RFC1: variants seen among roughly 807,000 people sequenced by gnomAD.
RFC1 encodes replication factor C subunit 1.
A neutral mutation model predicts 137.4 loss-of-function variants in RFC1; 37 were observed. The ratio of observed to expected loss-of-function variants is 0.27; its 90% CI spans 0.21 to 0.35. RFC1 has a LOEUF of 0.35. Among genes scored for constraint, RFC1 ranks in the 10% least tolerant of loss-of-function variants. The pLI is 1.00. For synonymous variants in RFC1, 429 were observed against 455.7 expected (o/e 0.94, Z 0.75); for missense variants, 1,205 against 1,358.5 (o/e 0.89, Z 1.78).
intron 15 of RFC1, among the ~76,000 whole-genome samples, chr4:39,303,540 G>A (rs1216002146): frequency 4.0e-5 from 6 of 151,756 alleles, no homozygotes; most frequent in Admixed American, 6.6e-5. Flanking sequence ...TGCAACCTCC[G>A]CCTCCCGGGT....
intron 20 of RFC1, 46 bp from the exon 21 acceptor site, chr4:39,300,184 GGTCCCTTCTTCACGGGTATT>G (rs1738272765): frequency 6.2e-7 from 1 of 1,608,804 alleles, no homozygotes; most frequent in Non-Finnish European, 8.5e-7. Flanking sequence ...CCACACCCCA[GGTCCCTTCTTCACGGGTATT>G]TAGCCTTCGC....
At chr4:39,327,278 A>C (rs1369993283) in intron 5 of RFC1, among the ~76,000 whole-genome samples, 5 of 152,226 alleles carry the variant, frequency 3.3e-5, no homozygotes, top group African/African-American at 1.2e-4. Flanking sequence ...TTAAATTCGA[A>C]TAATTATCAT....
intron 4 of RFC1, among the ~76,000 whole-genome samples, chr4:39,335,616 G>C (rs183296891): frequency 2.0e-5 from 3 of 152,298 alleles, no homozygotes; most frequent in Admixed American, 6.5e-5. Context: ...GAGTCCACTG[G>C]AATGCCTAAA....
intron 6 of RFC1, 127 bp downstream of exon 6, chr4:39,326,436 T>C (rs999317594): frequency 7.9e-6 from 5 of 636,386 alleles, no homozygotes; most frequent in African/African-American, 1.8e-5. Context: ...GAAATTTAGA[T>C]TTTCATTTAT....
At position 39,366,304 on chromosome 4, in the gene RFC1, G is replaced by T. The variant is rs17287851; in HGVS notation, c.-63C>A. On this transcript the variant is annotated 5_prime_UTR_variant, in exon 1 of 25. Transcript: ENST00000349703. ...TGGGCCGGTTGAGGAATCTGTTATC[G>T]AGGCTCAGGATCCATTCGCGCCAAC... 2.2e-5 allele frequency: 33 copies of T among 1,488,932 alleles called. 1 individual carries two copies. In the South Asian group the frequency reaches 4.1e-4, roughly 18 times the overall value. 92.2% of individuals were successfully genotyped at this position (1,488,932 alleles called of 1,614,324 possible).
chr4:39,358,190 A>G (rs12512760), intron 1 of RFC1, among the ~76,000 whole-genome samples: 148,514 of 152,022 alleles, frequency 0.98, 72,640 homozygotes, highest in Middle Eastern at 1. Flanking sequence ...CAGGAGAATC[A>G]CTTCAACCTG....
In RFC1 at chr4:39,357,898, C is replaced by T. The variant is rs186763524; in HGVS notation, c.4-6422G>A. Among the ~76,000 whole-genome samples the T allele has an allele frequency of 2.1e-3, 313 of 152,080 alleles. 1 individual carries two copies. The highest frequency in any genetic ancestry group is 3.8e-3 in the Non-Finnish European group (255 of 67,990). ...CCAGGATTACAGGCATGAGCCACAG[C>T]GCCCGGCCCAGAAGCTAGCTTTTTA... On this transcript the variant is annotated intron_variant, in intron 1 of 24. Coordinates refer to ENST00000349703, the MANE Select transcript of RFC1 (RefSeq NM_002913.5).
intron 4 of RFC1, among the ~76,000 whole-genome samples, chr4:39,338,453 C>T (rs1255983134): frequency 6.6e-6 from 1 of 152,102 alleles, no homozygotes; most frequent in African/African-American, 2.4e-5. Flanking sequence ...TATAAAATTT[C>T]AAATTTTCTC....
intron 11 of RFC1, 81 bp from the exon 12 acceptor site, chr4:39,311,630 G>T: frequency 9.9e-7 from 1 of 1,006,050 alleles, no homozygotes; most frequent in Non-Finnish European, 1.5e-6. Context: ...AAAATTCTAG[G>T]GCCTATTAGT....
chr4:39,303,980 TA>T, intron 15 of RFC1, among the ~76,000 whole-genome samples: 1 of 152,314 alleles, frequency 6.6e-6, no homozygotes, highest in Non-Finnish European at 1.5e-5. Flanking sequence ...ACATATAAAA[TA>T]ATAGCTAAAT....
intron 4 of RFC1, among the ~76,000 whole-genome samples, chr4:39,339,925 A>G (rs1740533816): frequency 6.6e-6 from 1 of 152,236 alleles, no homozygotes; most frequent in South Asian, 2.1e-4. Context: ...AAACAAATAC[A>G]AAATGTCTTT....
At chr4:39,349,617 C>A (rs1331599669) in intron 2 of RFC1, among the ~76,000 whole-genome samples, 2 of 152,176 alleles carry the variant, frequency 1.3e-5, no homozygotes, top group Non-Finnish European at 2.9e-5. Flanking sequence ...GTGGCCTGAA[C>A]TAACACATGA....
chr4:39,311,338 G>T, intron 12 of RFC1, 107 bp downstream of exon 12: 1 of 823,358 alleles, frequency 1.2e-6, no homozygotes, highest in South Asian at 1.6e-5. Flanking sequence ...GTGGTAGACA[G>T]GGATGTTAAT....
chr4:39,336,099 T>C lies in RFC1; in HGVS notation c.331+6246A>G, dbSNP rs17334791. Among the ~76,000 whole-genome samples the C allele has an allele frequency of 1.8e-3, 268 of 152,260 alleles. 1 individual carries two copies. Among genetic ancestry groups the C allele is most frequent in the African/African-American group, 6.2e-3 (259 of 41,554 alleles). On this transcript the variant is annotated intron_variant, in intron 4 of 24. Transcript: ENST00000349703. ...TTTTCAAATCTCCTTCCTCTCCATA[T>C]GCCACTTAATTTTTTTCAGGTCCCA...
chr4:39,333,791 T>C (rs963068779), intron 4 of RFC1, among the ~76,000 whole-genome samples: 3 of 152,162 alleles, frequency 2.0e-5, no homozygotes, highest in Non-Finnish European at 2.9e-5. Context: ...CTTCAAGCTA[T>C]AGATTTAAAA....
At chr4:39,346,528 T>C (rs1740869640) in intron 2 of RFC1, among the ~76,000 whole-genome samples, 1 of 151,846 alleles carries the variant, frequency 6.6e-6, no homozygotes, top group African/African-American at 2.4e-5. Flanking sequence ...TATTATTATA[T>C]ATTTTGTAGT....
chr4:39,292,154 T>C (rs963841550), intron 22 of RFC1: 2 of 337,386 alleles, frequency 5.9e-6, no homozygotes, highest in East Asian at 1.1e-4. Flanking sequence ...AATGTTTCTT[T>C]GTGTTCATAA....
Position 39,366,316 on chromosome 4 carries a change from C to G in RFC1, c.-75G>C. 1 of 1,416,396 alleles carries G rather than the reference C, an allele frequency of 7.1e-7. No individual in the cohort carries two copies. Among genetic ancestry groups the G allele is most frequent in the Non-Finnish European group, 9.3e-7 (1 of 1,074,936 alleles). The allele number at this position is 1,416,396 out of a possible 1,614,324, so 87.7% of individuals were successfully genotyped here. A position where few individuals can be genotyped will look rare whatever the true frequency, so the allele number is the denominator to read the frequency against. ...GGAATCTGTTATCGAGGCTCAGGATCCATTCGCGCCAACAACTTCTCCCGC... is the reference window on the plus strand; with the variant it reads ...GGAATCTGTTATCGAGGCTCAGGATGCATTCGCGCCAACAACTTCTCCCGC... On this transcript the variant is annotated 5_prime_UTR_variant, in exon 1 of 25. Transcript: ENST00000349703.
At chr4:39,346,648 A>G (rs1176752912) in intron 2 of RFC1, among the ~76,000 whole-genome samples, 1 of 152,218 alleles carries the variant, frequency 6.6e-6, no homozygotes, top group African/African-American at 2.4e-5. Context: ...ATTTCTATCC[A>G]TTATAATAAA....
Sources: allele counts gnomAD v4.1 joint callset (sites outside exome capture counted in the v4.1 genomes callset), GRCh38; gene constraint gnomAD v4.1.1; transcripts MANE v1.5; gene names NCBI Gene and HGNC (gene_info 2026-07-23, HGNC 2026-07-21).